Variants in PATL1 observed in about 807,000 individuals in gnomAD.
PATL1 encodes protein PAT1 homolog 1.
Under a neutral mutation model 100.6 loss-of-function variants are expected in PATL1, and 32 were observed. That is an observed-to-expected ratio of 0.32 (90% CI 0.24 to 0.43). The LOEUF (loss-of-function observed/expected upper bound fraction) is 0.43. PATL1 is among the 20% of genes least tolerant of loss of function. The pLI is 1.00. For missense variants in PATL1, 747 were observed against 949.9 expected, an observed-to-expected ratio of 0.79 and a Z score of 2.81; for synonymous variants, 332 against 330.0, an observed-to-expected ratio of 1.01 and a Z score of -0.07.
chr11:59,655,582 G>A lies in PATL1; in HGVS notation c.972C>T (p.Ser324=), dbSNP rs376733363. The A allele has an allele frequency of 7.4e-5, 117 of 1,590,872 alleles. No homozygotes were observed. Among genetic ancestry groups the A allele is most frequent in the East Asian group, 3.9e-4 (17 of 44,016 alleles). ...GFRAFFSAPP[S]ATPPPQQHPP... is the part of the protein sequence containing the mutation. ...GGTGCTGCTGTGGAGGTGGTGTAGC[G>A]GAGGGTGGAGCACTAAAGAAGGCAC... Residue 324 remains serine (S), a synonymous_variant, in exon 8 of 19, where the codon TCC becomes TCT. Coordinates refer to ENST00000300146, the MANE Select transcript of PATL1 (RefSeq NM_152716.3).
rs1276322425 is a variant in PATL1, at chr11:59,658,880, G to A, written c.412C>T (p.Pro138Ser). 5 of 1,548,774 alleles carry A rather than the reference G, an allele frequency of 3.2e-6. No individual in the cohort carries two copies. Among genetic ancestry groups the A allele is most frequent in the Non-Finnish European group, 4.4e-6 (5 of 1,146,316 alleles). The change falls in exon 4 of 19, where the codon CCA (proline) becomes TCA (serine). Residue 138 changes from proline to serine, a missense_variant. Transcript: ENST00000300146. ...ATATTTAATACCTGAGCAAGCAGTG[G>A]TCCTCGGATTCGCCTCAGAACTTCA... ...GSEVLRRIRG[P>S]LLAQEMPTVS...
At chr11:59,651,715 G>C in intron 11 of PATL1, 74 bp from the exon 12 acceptor site, 1 of 937,234 alleles carries the variant, frequency 1.1e-6, no homozygotes, top group Non-Finnish European at 1.6e-6. Context: ...GTTCAAAGAA[G>C]ATTTTTACTT....
In PATL1 at chr11:59,649,571, G is replaced by A. The variant is rs765853385; in HGVS notation, c.1624C>T (p.Arg542Cys). 9 of 1,613,346 alleles carry A rather than the reference G, an allele frequency of 5.6e-6. No homozygotes were observed. Among genetic ancestry groups the A allele is most frequent in the South Asian group, 1.1e-5 (1 of 90,934 alleles). ...TCTTCTTCCAGACTTAGGAGATAAC[G>A]TCTTTCATAGTCCTCCACATCAAGG... Reference protein sequence around the residue: ...LLLDVEDYERRYLLSLEEERP... With the variant: ...LLLDVEDYERCYLLSLEEERP... The change falls in exon 14 of 19, where the codon CGT becomes TGT. Residue 542 changes from arginine (R) to cysteine (C), a missense_variant. By Grantham distance (180) the Arg-to-Cys change is radical. Coordinates refer to ENST00000300146, the MANE Select transcript of PATL1 (RefSeq NM_152716.3).
rs765290536 is a variant in PATL1 at position 59,657,557 on chromosome 11, C to T, written c.594G>A (p.Gln198=). 1 of 1,610,220 alleles carries T rather than the reference C, an allele frequency of 6.2e-7. No individual in the cohort carries two copies. Among genetic ancestry groups the T allele is most frequent in the East Asian group, 2.2e-5 (1 of 44,848 alleles). ...GTTGGGTGAAGCTGGGTACAGCCATCTGTTTAGGTGGGGTGCCTATGGGGA... is the reference window on the plus strand; with the variant it reads ...GTTGGGTGAAGCTGGGTACAGCCATTTGTTTAGGTGGGGTGCCTATGGGGA... ...RAVPIGTPPK[Q]MAVPSFTQQI... Residue 198 remains glutamine, a synonymous_variant, in exon 5 of 19, where the codon CAG becomes CAA. Transcript: ENST00000300146.
At position 59,638,196 on chromosome 11, in the gene PATL1, C is replaced by T. The variant is rs545618532; in HGVS notation, c.*194G>A. 8.2e-5 allele frequency: 50 copies of T among 608,544 alleles called. No individual in the cohort carries two copies. Among genetic ancestry groups the T allele is most frequent in the East Asian group, 5.8e-4 (21 of 36,028 alleles). 37.7% of individuals were successfully genotyped at this position (608,544 alleles called of 1,614,324 possible). ...GTAAAGAAACCAGCAGAAGTATCACCCAGCCAAATTTCATAGAGCAGTGGG... is the reference window on the plus strand; with the variant it reads ...GTAAAGAAACCAGCAGAAGTATCACTCAGCCAAATTTCATAGAGCAGTGGG... On this transcript the variant is annotated 3_prime_UTR_variant, in exon 19 of 19. Transcript: ENST00000300146.
intron 4 of PATL1, among the ~76,000 whole-genome samples, chr11:59,658,231 T>C (rs765395118): frequency 9.2e-5 from 14 of 151,944 alleles, no homozygotes; most frequent in Non-Finnish European, 2.1e-4. Context: ...TTCCATTGTA[T>C]TGTTCCTTTG....
chr11:59,649,034 G>C (rs918487946), intron 14 of PATL1, among the ~76,000 whole-genome samples: 25 of 152,308 alleles, frequency 1.6e-4, no homozygotes, highest in Middle Eastern at 3.4e-3. Flanking sequence ...GAAGGGTTTC[G>C]ATAGGATATA....
chr11:59,657,605 A>G lies in PATL1; in HGVS notation c.546T>C (p.Ile182=). The G allele has an allele frequency of 6.2e-7, 1 of 1,612,868 alleles. No homozygotes were observed. The highest frequency in any genetic ancestry group is 8.5e-7 in the Non-Finnish European group (1 of 1,179,830). The part of the protein sequence containing the change: ...ALPRRSTSPI[I]GSPPVRAVPI... ...GGACAGCTCTAACAGGAGGACTGCC[A>G]ATGATAGGTGAAGTTGACCGCCTTG... Residue 182 remains isoleucine, a synonymous_variant, in exon 5 of 19, where the codon ATT becomes ATC. Coordinates refer to ENST00000300146, the MANE Select transcript of PATL1 (RefSeq NM_152716.3).
At chr11:59,654,813 G>GTGAT (rs1425319410) in intron 8 of PATL1, among the ~76,000 whole-genome samples, 2 of 152,156 alleles carry the variant, frequency 1.3e-5, no homozygotes, top group South Asian at 4.1e-4. Flanking sequence ...TTGTAAAGAT[G>GTGAT]TGATTAACAT....
intron 16 of PATL1, among the ~76,000 whole-genome samples, chr11:59,640,753 A>G (rs529351601): frequency 6.6e-6 from 1 of 150,854 alleles, no homozygotes; most frequent in Admixed American, 6.6e-5. Context: ...GGGGCTGGGG[A>G]TGGGCATGGT....
intron 16 of PATL1, among the ~76,000 whole-genome samples, chr11:59,642,280 A>C (rs1453026254): frequency 1.3e-5 from 2 of 152,230 alleles, no homozygotes; most frequent in Non-Finnish European, 2.9e-5. Flanking sequence ...TGATTCTACT[A>C]TTCATAGTGT....
In PATL1 at chr11:59,659,443, G is replaced by A. The variant is rs758850987; in HGVS notation, c.154C>T (p.Arg52Cys). 3 of 1,550,576 alleles carry A rather than the reference G, an allele frequency of 1.9e-6. No individual in the cohort carries two copies. Among genetic ancestry groups the A allele is most frequent in the South Asian group, 1.2e-5 (1 of 84,060 alleles). ...AGCTTTTCTTCCAATTCAGCCAGGC[G>A]CTCATGTGCTTCCTGCCAATCATCA... ...VDDDWQEAHE[R>C]LAELEEKLPV... is the part of the protein sequence containing the mutation. The change falls in exon 3 of 19, where the codon CGC becomes TGC. Residue 52 changes from arginine to cysteine, a missense_variant. Arg to Cys is a radical substitution (Grantham distance 180). Transcript: ENST00000300146.
chr11:59,649,609 G>A lies in PATL1; in HGVS notation c.1586C>T (p.Thr529Ile), dbSNP rs1366549898. The A allele has an allele frequency of 1.9e-6, 3 of 1,611,610 alleles. No homozygotes were observed. Among genetic ancestry groups the A allele is most frequent in the Non-Finnish European group, 2.5e-6 (3 of 1,178,798 alleles). ...RRKTLVIIEK[T>I]YSLLLDVEDY... ...CTCCACATCAAGGAGTAAGCTGTAG[G>A]TCTAAGAAGGGAGACAAAAGCAGGC... is the stretch of plus-strand genomic sequence containing the variant. Residue 529 changes from threonine (T) to isoleucine (I), a missense_variant and splice_region_variant, in exon 14 of 19, where the codon ACC becomes ATC. Thr to Ile is a moderately conservative substitution (Grantham distance 89). Around this residue, in one of 4 missense-constraint regions of PATL1, gnomAD observed 434 missense variants for 596.1 expected, o/e 0.73. Coordinates refer to ENST00000300146, the MANE Select transcript of PATL1 (RefSeq NM_152716.3).
chr11:59,667,515 T>C (rs1230734059), intron 1 of PATL1, among the ~76,000 whole-genome samples: 1 of 152,202 alleles, frequency 6.6e-6, no homozygotes, highest in East Asian at 1.9e-4. Flanking sequence ...TAAAATGAAC[T>C]CTGGAAAAGC....
At chr11:59,642,780 CT>C in intron 16 of PATL1, 99 bp downstream of exon 16, 7 of 1,321,722 alleles carry the variant, frequency 5.3e-6, no homozygotes, top group Admixed American at 2.4e-5. Context: ...TGAAAGAAGC[CT>C]TTTTCCCAAG....
chr11:59,657,530 C>A lies in PATL1; in HGVS notation c.621G>T (p.Gln207His). ...KQMAVPSFTQ[Q>H]ILCPKPVHVR... ...CTGTGTGCTTGTTAATGAGAGGTAC[C>A]TGTTGGGTGAAGCTGGGTACAGCCA... Residue 207 changes from glutamine to histidine, a missense_variant and splice_region_variant, in exon 5 of 19, where the codon CAG (glutamine) becomes CAT (histidine). Coordinates refer to ENST00000300146, the MANE Select transcript of PATL1 (RefSeq NM_152716.3). The A allele has an allele frequency of 6.3e-7, 1 of 1,593,786 alleles. No homozygotes were observed. Among genetic ancestry groups the A allele is most frequent in the Non-Finnish European group, 8.6e-7 (1 of 1,167,454 alleles).
chr11:59,651,070 C>CT (rs899216678), intron 12 of PATL1, among the ~76,000 whole-genome samples: 1 of 149,636 alleles, frequency 6.7e-6, no homozygotes. Flanking sequence ...ATATGAAAAT[C>CT]TTTTTTTTTT....
chr11:59,650,431 G>T (rs973687470), intron 13 of PATL1, among the ~76,000 whole-genome samples: 1 of 152,192 alleles, frequency 6.6e-6, no homozygotes, highest in Non-Finnish European at 1.5e-5. Flanking sequence ...TCCACAGGTA[G>T]GACAATGTAA....
intron 16 of PATL1, among the ~76,000 whole-genome samples, chr11:59,642,332 A>G (rs1488570389): frequency 6.6e-6 from 1 of 152,218 alleles, no homozygotes; most frequent in Non-Finnish European, 1.5e-5. Context: ...CTTCCTACCC[A>G]TTATCAGAAC....
Sources: gnomAD v4.1 joint callset for allele counts (sites outside exome capture counted in the v4.1 genomes callset) on GRCh38, gnomAD v4.1.1 for gene constraint, gnomAD v4.1.1 regional missense constraint, MANE v1.5 for transcripts, NCBI Gene and HGNC (gene_info 2026-07-23, HGNC 2026-07-21) for gene names.